PTPRM: variants seen among roughly 807,000 people sequenced by gnomAD.
The protein encoded by PTPRM is receptor-type tyrosine-protein phosphatase mu.
A neutral mutation model predicts 186.7 loss-of-function variants in PTPRM; 47 were observed. The observed-to-expected ratio is 0.25, with a 90% CI of 0.20 to 0.32. The LOEUF (loss-of-function observed/expected upper bound fraction) is 0.32. Ranked by LOEUF, PTPRM falls within the 10% of genes least tolerant of loss-of-function variation. The pLI, the probability that PTPRM is intolerant of heterozygous loss-of-function variation, is 1.00. For synonymous variants in PTPRM, 668 were observed against 674.9 expected (o/e 0.99, Z 0.16); for missense variants, 1,494 against 1,865.0 (o/e 0.80, Z 3.66).
intron 1 of PTPRM, among the ~76,000 whole-genome samples, chr18:7,585,497 G>T (rs987073743): frequency 6.6e-6 from 1 of 152,174 alleles, no homozygotes; most frequent in African/African-American, 2.4e-5. Context: ...ATGGATTTGT[G>T]CGGGATTGGA....
At chr18:8,352,629 T>A (rs2095540224) in intron 23 of PTPRM, among the ~76,000 whole-genome samples, 1 of 99,898 alleles carries the variant, frequency 1.0e-5, no homozygotes, top group Non-Finnish European at 2.4e-5. Flanking sequence ...TTCTTTTTCT[T>A]TTCTTTTTTT....
At chr18:8,098,202 A>G (rs1252574021) in intron 11 of PTPRM, among the ~76,000 whole-genome samples, 1 of 152,210 alleles carries the variant, frequency 6.6e-6, no homozygotes, top group African/African-American at 2.4e-5. Context: ...TATCCCCATC[A>G]TTAAGTGACT....
chr18:8,336,592 G>C (rs975167339), intron 22 of PTPRM, among the ~76,000 whole-genome samples: 5 of 145,760 alleles, frequency 3.4e-5, no homozygotes, highest in African/African-American at 5.1e-5. Context: ...GACAGACAGA[G>C]AGAGAGAAAA....
chr18:8,267,749 G>A (rs916736233), intron 19 of PTPRM, among the ~76,000 whole-genome samples: 10 of 152,046 alleles, frequency 6.6e-5, no homozygotes, highest in African/African-American at 2.2e-4. Context: ...GCTCACATTC[G>A]CATCAGCACT....
At chr18:7,723,488 C>T (rs597736) in intron 1 of PTPRM, among the ~76,000 whole-genome samples, 79,131 of 151,980 alleles carry the variant, frequency 0.52, 21,327 homozygotes, top group East Asian at 0.86. Flanking sequence ...GGTCCCACTC[C>T]ATGGAGAGAG....
intron 4 of PTPRM, among the ~76,000 whole-genome samples, chr18:7,908,037 C>G (rs1331022345): frequency 6.6e-6 from 1 of 152,000 alleles, no homozygotes; most frequent in African/African-American, 2.4e-5. Context: ...CTGCAGTGAG[C>G]ATTATGGATG....
chr18:7,867,567 G>T (rs2047773706), intron 2 of PTPRM, among the ~76,000 whole-genome samples: 1 of 152,168 alleles, frequency 6.6e-6, no homozygotes, highest in African/African-American at 2.4e-5. Flanking sequence ...TGAGAGATCT[G>T]CTGTTAGTCT....
At chr18:7,955,032 C>T (rs577651715) in intron 6 of PTPRM, 89 bp from the exon 7 acceptor site, 5 of 1,310,694 alleles carry the variant, frequency 3.8e-6, no homozygotes, top group East Asian at 2.4e-5. Context: ...ATTTTATTAT[C>T]TTCTACATTT....
intron 3 of PTPRM, among the ~76,000 whole-genome samples, chr18:7,889,588 C>T (rs1801368992): frequency 6.6e-6 from 1 of 152,022 alleles, no homozygotes; most frequent in South Asian, 2.1e-4. Context: ...ATCCTGCCAC[C>T]CTAGCCTCCC....
chr18:7,940,215 A>T (rs1354012229), intron 5 of PTPRM, among the ~76,000 whole-genome samples: 5 of 152,160 alleles, frequency 3.3e-5, no homozygotes, highest in Non-Finnish European at 4.4e-5. Flanking sequence ...TTTTAATATC[A>T]CCACCAGTCC....
intron 20 of PTPRM, among the ~76,000 whole-genome samples, chr18:8,307,287 AG>A (rs746686012): frequency 6.6e-6 from 1 of 152,202 alleles, no homozygotes; most frequent in Non-Finnish European, 1.5e-5. Context: ...TCAGCCAGGA[AG>A]TGCAATCATG....
chr18:8,379,278 C>T lies in PTPRM; in HGVS notation c.3724C>T (p.Leu1242=). ...GGACATCCTGCCCCCAGACCGCTGC[C>T]TGCCCTTCCTCATCACCATCGATGG... ...CMDILPPDRC[L]PFLITIDGES... is the part of the protein sequence containing the mutation. Residue 1242 remains leucine (L), a synonymous_variant, in exon 28 of 33, where the codon CTG becomes TTG. Coordinates refer to ENST00000580170, the MANE Select transcript of PTPRM (RefSeq NM_001105244.2). 2 of 1,614,120 alleles carry T rather than the reference C, an allele frequency of 1.2e-6. No homozygotes were observed. Among genetic ancestry groups the T allele is most frequent in the Non-Finnish European group, 1.7e-6 (2 of 1,180,012 alleles).
At chr18:7,698,934 C>G (rs1016344574) in intron 1 of PTPRM, among the ~76,000 whole-genome samples, 6 of 152,114 alleles carry the variant, frequency 3.9e-5, no homozygotes, top group Non-Finnish European at 1.5e-5. Flanking sequence ...AATAGCCTAT[C>G]CTTTAAATCA....
chr18:7,744,848 A>G (rs980393248), intron 1 of PTPRM, among the ~76,000 whole-genome samples: 12 of 152,182 alleles, frequency 7.9e-5, no homozygotes, highest in African/African-American at 2.9e-4. Context: ...AACAAAAGCT[A>G]AGTGTATTTA....
At chr18:7,588,408 T>C (rs988541377) in intron 1 of PTPRM, among the ~76,000 whole-genome samples, 4 of 152,184 alleles carry the variant, frequency 2.6e-5, no homozygotes, top group African/African-American at 9.6e-5. Flanking sequence ...GAGGATTGAC[T>C]ATCATTGGAA....
chr18:8,161,798 G>A (rs1332523560), intron 14 of PTPRM, among the ~76,000 whole-genome samples: 1 of 152,114 alleles, frequency 6.6e-6, no homozygotes, highest in African/African-American at 2.4e-5. Flanking sequence ...ACCCTGTGAT[G>A]CATGCAAATG....
chr18:8,200,102 C>A (rs58733466), intron 14 of PTPRM, among the ~76,000 whole-genome samples: 5,411 of 152,184 alleles, frequency 0.036, 325 homozygotes, highest in African/African-American at 0.12. Context: ...TTTGGGGAAG[C>A]CCTGAAACTC....
At chr18:7,859,955 A>C (rs1008468458) in intron 2 of PTPRM, among the ~76,000 whole-genome samples, 1 of 152,244 alleles carries the variant, frequency 6.6e-6, no homozygotes, top group Non-Finnish European at 1.5e-5. Flanking sequence ...GAACCCAGGC[A>C]AAAGTACAAG....
At chr18:7,841,281 CTTTTTTTTTTTTT>C (rs34688860) in intron 2 of PTPRM, among the ~76,000 whole-genome samples, 24 of 70,222 alleles carry the variant, frequency 3.4e-4, no homozygotes, top group Admixed American at 2.2e-3. Context: ...CAAATCATTT[CTTTTTTTTTTTTT>C]TTTTTTTTTT....
Sources: gnomAD v4.1 joint callset for allele counts (sites outside exome capture counted in the v4.1 genomes callset) on GRCh38, gnomAD v4.1.1 for gene constraint, MANE v1.5 for transcripts, NCBI Gene and HGNC (gene_info 2026-07-23, HGNC 2026-07-21) for gene names.